TAF6: variants seen among roughly 807,000 people sequenced by gnomAD.
TAF6 encodes TATA-box binding protein associated factor 6, also known as transcription initiation factor TFIID subunit 6.
A neutral mutation model predicts 73.5 loss-of-function variants in TAF6; 50 were observed. The observed-to-expected ratio is 0.68, with a 90% CI of 0.54 to 0.86. The LOEUF is 0.86. TAF6 is among the 40% of genes least tolerant of loss of function. TAF6 has a pLI of 0.00. For synonymous variants in TAF6, 424 were observed against 376.7 expected (o/e 1.13, Z -1.45); for missense variants, 768 against 899.5 (o/e 0.85, Z 1.87).
chr7:100,110,877 G>A (rs1022154602), intron 10 of TAF6, among the ~76,000 whole-genome samples: 1 of 151,700 alleles, frequency 6.6e-6, no homozygotes, highest in Non-Finnish European at 1.5e-5. Context: ...AAGTACTCAA[G>A]AGTCTGAGGG....
At chr7:100,119,695 C>T (rs767704764), upstream of TAF6, 7 of 1,613,906 alleles carry the variant, frequency 4.3e-6, no homozygotes, top group East Asian at 4.5e-5. Flanking sequence ...CCCACACTAC[C>T]TTCCCGAAGT....
intron 1 of TAF6, chr7:100,118,825 C>T: frequency 1.0e-6 from 1 of 984,202 alleles, no homozygotes; most frequent in Non-Finnish European, 1.2e-6. Context: ...TCCCTGATCT[C>T]CTCCCCGACT....
chr7:100,123,494 C>T (rs1798126513), upstream of TAF6, among the ~76,000 whole-genome samples: 1 of 152,098 alleles, frequency 6.6e-6, no homozygotes, highest in Non-Finnish European at 1.5e-5. Flanking sequence ...ATAAGAGACC[C>T]CCTTCTCTAC....
Position 100,112,906 on chromosome 7 carries a change from G to C in TAF6, c.466C>G (p.Gln156Glu), listed in dbSNP as rs777831628. ...PENPPPAPKEQQKAEATEPLK... is the reference protein window; with the variant it reads ...PENPPPAPKEEQKAEATEPLK... Reference sequence around the variant, plus strand: ...GGTTCTGTGGCTTCAGCCTTCTGTTGCTCTTTGGGAGCTGGTGGGAAAGCA... The same window carrying C: ...GGTTCTGTGGCTTCAGCCTTCTGTTCCTCTTTGGGAGCTGGTGGGAAAGCA... The change falls in exon 6 of 15, where the codon CAA becomes GAA. Residue 156 changes from glutamine (Q) to glutamate (E), a missense_variant. Gln to Glu is a conservative substitution (Grantham distance 29). Around this residue, in one of 5 missense-constraint regions of TAF6, gnomAD observed 269 missense variants for 268.0 expected, o/e 1.00. Coordinates refer to ENST00000453269, the MANE Select transcript of TAF6 (RefSeq NM_139315.3). 1.3e-5 allele frequency: 21 copies of C among 1,612,582 alleles called. No individual in the cohort carries two copies. In the South Asian group the frequency reaches 2.3e-4, roughly 18 times the overall value.
rs1797044384 is a variant in TAF6 at position 100,110,233 on chromosome 7, G to T, written c.1125C>A (p.Gly375=). The T allele has an allele frequency of 6.2e-7, 1 of 1,614,158 alleles. No individual in the cohort carries two copies. The highest frequency in any genetic ancestry group is 1.6e-4 in the Middle Eastern group (1 of 6,062). The change falls in exon 11 of 15, where the codon GGC becomes GGA. Residue 375 remains glycine (G), a synonymous_variant. Transcript: ENST00000453269. The part of the protein sequence containing the change: ...DEKTPWTTRY[G]SIAGLAELGH... ...CCAGCTCAGCCAAGCCTGCGATGGA[G>T]CCATAACGAGTCGTCCAGGGCGTCT...
At chr7:100,121,907 G>C (rs184114202), upstream of TAF6, 1 of 202,516 alleles carries the variant, frequency 4.9e-6, no homozygotes, top group Non-Finnish European at 1.0e-5. Flanking sequence ...AAAATTAGCC[G>C]GGCGTGGTGG....
upstream of TAF6, chr7:100,121,212 C>T (rs1296849922): frequency 7.1e-6 from 1 of 141,196 alleles, no homozygotes; most frequent in Non-Finnish European, 1.5e-5. Context: ...CAATCTCGCT[C>T]ACTGCAACCT....
At chr7:100,122,347 T>C (rs1394082178), upstream of TAF6, 1 of 1,614,046 alleles carries the variant, frequency 6.2e-7, no homozygotes, top group Non-Finnish European at 8.5e-7. Flanking sequence ...AGGTGCTGGA[T>C]ACAGGCAAGA....
chr7:100,107,962 T>G lies in TAF6; in HGVS notation c.1620A>C (p.Val540=), dbSNP rs144479010. Reference sequence around the variant, plus strand: ...ATGGGGCGCTGGAGGACGATGACATTACAATAAACTTGGTTGGAGGAGGGG... The same window carrying G: ...ATGGGGCGCTGGAGGACGATGACATGACAATAAACTTGGTTGGAGGAGGGG... ...QPSPPPTKFI[V]MSSSSSAPST... is the part of the protein sequence containing the mutation. The change falls in exon 14 of 15, where the codon GTA becomes GTC. Residue 540 remains valine, a synonymous_variant. Coordinates refer to ENST00000453269, the MANE Select transcript of TAF6 (RefSeq NM_139315.3). 7.9e-5 allele frequency: 127 copies of G among 1,613,756 alleles called. No homozygotes were observed. The African/African-American group carries it at 1.5e-3, about 19-fold the overall frequency.
At chr7:100,124,117 A>G (rs1053854339), upstream of TAF6, among the ~76,000 whole-genome samples, 26 of 151,488 alleles carry the variant, frequency 1.7e-4, no homozygotes, top group African/African-American at 5.8e-4. Flanking sequence ...AGCCTGGGTG[A>G]CAGAGCGAGA....
chr7:100,112,741 A>C lies in TAF6; in HGVS notation c.574+57T>G, dbSNP rs1051928629. On this transcript the variant is annotated intron_variant, in intron 6 of 14. Coordinates refer to ENST00000453269, the MANE Select transcript of TAF6 (RefSeq NM_139315.3). The stretch of plus-strand genomic sequence containing the variant: ...AAAACAAAAAAAAAGGAAACAAAAC[A>C]AACGGCCATGTGGCTTTGGGCAAGA... 3.9e-6 allele frequency: 6 copies of C among 1,529,868 alleles called. No individual in the cohort carries two copies. In the African/African-American group the frequency reaches 8.4e-5, roughly 21 times the overall value. The allele number at this position is 1,529,868 out of a possible 1,614,324, so 94.8% of individuals were successfully genotyped here.
upstream of TAF6, chr7:100,122,156 C>T (rs1798091560): frequency 2.1e-6 from 3 of 1,456,596 alleles, no homozygotes; most frequent in African/African-American, 4.2e-5. Flanking sequence ...AGTCTGGCTC[C>T]ATAGTCTGCA....
upstream of TAF6, chr7:100,119,575 G>A: frequency 6.9e-7 from 1 of 1,449,840 alleles, no homozygotes; most frequent in Non-Finnish European, 9.2e-7. Context: ...AACGGAGGCA[G>A]GGAAACCCGT....
chr7:100,113,321 G>A, intron 5 of TAF6, 28 bp downstream of exon 5: 1 of 1,554,760 alleles, frequency 6.4e-7, no homozygotes, highest in Non-Finnish European at 8.7e-7. Context: ...GGGACCCAGA[G>A]ACCCAGAGGG....
upstream of TAF6, chr7:100,124,458 G>A: frequency 2.9e-6 from 4 of 1,383,248 alleles, no homozygotes; most frequent in Non-Finnish European, 4.1e-6. Context: ...GAGAAGACAG[G>A]CGGGATCCCA....
At position 100,107,223 on chromosome 7, in the gene TAF6, T is replaced by C. The variant is rs1044156191; in HGVS notation, c.*23A>G. 3.3e-6 allele frequency: 5 copies of C among 1,519,066 alleles called. No homozygotes were observed. In the African/African-American group the frequency reaches 4.2e-5, roughly 13 times the overall value. The allele number at this position is 1,519,066 out of a possible 1,614,324, so 94.1% of individuals were successfully genotyped here. ...GTGTACATGTCTGCATGTGTGGGAA[T>C]CCGGGGGCTGGCAGGTGGAGCATCA... On this transcript the variant is annotated 3_prime_UTR_variant, in exon 15 of 15. Coordinates refer to ENST00000453269, the MANE Select transcript of TAF6 (RefSeq NM_139315.3).
In TAF6 at chr7:100,107,419, G is replaced by A. The variant is rs2116691481; in HGVS notation, c.1861C>T (p.Pro621Ser). ...LPPTGEGKGG[P>S]TSHPSPVPPP... The stretch of plus-strand genomic sequence containing the variant: ...GGAACTGGAGAAGGATGGGAGGTGG[G>A]GCCTCCTTTGCCCTCCCCTGTTGGG... Residue 621 changes from proline to serine, a missense_variant, in exon 15 of 15, where the codon CCC becomes TCC. This residue lies in a region of TAF6 where 350 missense variants were observed against 352.3 expected (regional missense o/e 0.99). Transcript: ENST00000453269. The A allele has an allele frequency of 1.2e-6, 2 of 1,608,626 alleles. No homozygotes were observed. Among genetic ancestry groups the A allele is most frequent in the African/African-American group, 1.3e-5 (1 of 74,902 alleles).
At chr7:100,110,319 A>G (rs781505861) in intron 10 of TAF6, 45 bp from the exon 11 acceptor site, 2 of 1,599,844 alleles carry the variant, frequency 1.3e-6, no homozygotes, top group East Asian at 2.2e-5. Context: ...GTCTGAAAGG[A>G]TGATTGACAG....
upstream of TAF6, chr7:100,122,112 T>C: frequency 1.2e-6 from 1 of 857,648 alleles, no homozygotes; most frequent in Non-Finnish European, 1.8e-6. Flanking sequence ...GCCACACAGC[T>C]GCTAAATGGC....
Sources: allele counts gnomAD v4.1 joint callset (sites outside exome capture counted in the v4.1 genomes callset), GRCh38; gene constraint gnomAD v4.1.1; regional missense constraint gnomAD v4.1.1; transcripts MANE v1.5; gene names NCBI Gene and HGNC (gene_info 2026-07-23, HGNC 2026-07-21).